PRMT7: variants seen among roughly 807,000 people sequenced by gnomAD.
The protein encoded by PRMT7 is protein arginine N-methyltransferase 7.
A neutral mutation model predicts 85.4 loss-of-function variants in PRMT7; 75 were observed. The ratio of observed to expected loss-of-function variants is 0.88; its 90% CI spans 0.73 to 1.06. The LOEUF (loss-of-function observed/expected upper bound fraction) is 1.06. Among genes scored for constraint, PRMT7 ranks in the 50% least tolerant of loss-of-function variants. The pLI is 0.00. For synonymous variants in PRMT7, 397 were observed against 359.5 expected, an observed-to-expected ratio of 1.10 and a Z score of -1.18; for missense variants, 868 against 915.2, an observed-to-expected ratio of 0.95 and a Z score of 0.67.
At chr16:68,360,457 G>A (rs747246862), downstream of PRMT7, 86 of 152,590 alleles carry the variant, frequency 5.6e-4, no homozygotes, top group Non-Finnish European at 1.0e-3. Context: ...AGACTCTGTT[G>A]TGCCTGAGCT....
At chr16:68,334,643 C>T (rs575817750) in intron 6 of PRMT7, among the ~76,000 whole-genome samples, 1 of 152,264 alleles carries the variant, frequency 6.6e-6, no homozygotes, top group African/African-American at 2.4e-5. Context: ...CCATTTTGTT[C>T]ATTTGGAAAG....
chr16:68,335,757 CTCT>C (rs1188021393), intron 6 of PRMT7, among the ~76,000 whole-genome samples: 5 of 151,414 alleles, frequency 3.3e-5, no homozygotes, highest in Admixed American at 2.0e-4. Flanking sequence ...CTCTGTTGTG[CTCT>C]TCTATCAGCT....
In PRMT7 at chr16:68,315,911, G is replaced by C. The variant is rs1281187469; in HGVS notation, c.-69G>C. On this transcript the variant is annotated 5_prime_UTR_variant, in exon 3 of 19. Coordinates refer to ENST00000441236, the MANE Select transcript of PRMT7 (RefSeq NM_019023.5). ...GATGTTAATAGATTTCTGACAGTCA[G>C]ACTTGTCCACAAGAACTCAACTGGC... 1 of 1,285,322 alleles carries C rather than the reference G, an allele frequency of 7.8e-7. No individual in the cohort carries two copies. The highest frequency in any genetic ancestry group is 1.1e-6 in the Non-Finnish European group (1 of 887,082). 79.6% of individuals were successfully genotyped at this position (1,285,322 alleles called of 1,614,324 possible). A position where few individuals can be genotyped will look rare whatever the true frequency, so the allele number is the denominator to read the frequency against.
At position 68,315,921 on chromosome 16, in the gene PRMT7, C is replaced by G; in HGVS notation, c.-59C>G. On this transcript the variant is annotated 5_prime_UTR_variant, in exon 3 of 19. Coordinates refer to ENST00000441236, the MANE Select transcript of PRMT7 (RefSeq NM_019023.5). ...GATTTCTGACAGTCAGACTTGTCCA[C>G]AAGAACTCAACTGGCAAGGCTGCTT... is the stretch of plus-strand genomic sequence containing the variant. The G allele has an allele frequency of 7.0e-7, 1 of 1,420,744 alleles. No homozygotes were observed. Among genetic ancestry groups the G allele is most frequent in the Admixed American group, 1.7e-5 (1 of 57,428 alleles). The allele number at this position is 1,420,744 out of a possible 1,614,324, so 88.0% of individuals were successfully genotyped here.
At position 68,357,303 on chromosome 16, in the gene PRMT7, C is replaced by T. The variant is rs574242525; in HGVS notation, c.*79C>T. 4 of 1,419,706 alleles carry T rather than the reference C, an allele frequency of 2.8e-6. No homozygotes were observed. The East Asian group carries it at 7.0e-5, about 25-fold the overall frequency. 87.9% of individuals were successfully genotyped at this position (1,419,706 alleles called of 1,614,324 possible). A position where few individuals can be genotyped will look rare whatever the true frequency, so the allele number is the denominator to read the frequency against. On this transcript the variant is annotated 3_prime_UTR_variant, in exon 19 of 19. Transcript: ENST00000441236. ...CTTTCTAGCGGGGAAGGCTGAAGGC[C>T]CTCCTCTCCTCTCTGGGAGCTGCTC... is the stretch of plus-strand genomic sequence containing the variant.
chr16:68,333,788 T>A (rs1266134928), intron 6 of PRMT7, among the ~76,000 whole-genome samples: 1 of 152,156 alleles, frequency 6.6e-6, no homozygotes, highest in African/African-American at 2.4e-5. Flanking sequence ...AAAAAAAATT[T>A]TTTTTAGATA....
At chr16:68,317,881 G>C (rs1179949591) in intron 3 of PRMT7, among the ~76,000 whole-genome samples, 1 of 151,956 alleles carries the variant, frequency 6.6e-6, no homozygotes, top group African/African-American at 2.4e-5. Context: ...GGCTATTCTG[G>C]GGAGCAGCTA....
intron 17 of PRMT7, 33 bp from the exon 18 acceptor site, chr16:68,356,668 A>G (rs773662239): frequency 1.3e-6 from 2 of 1,557,568 alleles, no homozygotes; most frequent in South Asian, 2.3e-5. Flanking sequence ...CTCTTGTGTG[A>G]CTACTTCTGC....
At chr16:68,328,807 A>G (rs1236344496) in intron 5 of PRMT7, among the ~76,000 whole-genome samples, 2 of 152,062 alleles carry the variant, frequency 1.3e-5, no homozygotes, top group Admixed American at 1.3e-4. Flanking sequence ...CGGTACTGAC[A>G]CCTACTGCTC....
intron 11 of PRMT7, 51 bp downstream of exon 11, chr16:68,346,331 T>C: frequency 6.2e-7 from 1 of 1,607,764 alleles, no homozygotes; most frequent in Non-Finnish European, 8.5e-7. Context: ...GAAAGAAGTT[T>C]GTCCCATGAA....
chr16:68,336,155 C>T (rs887705918), intron 6 of PRMT7, among the ~76,000 whole-genome samples: 2 of 152,116 alleles, frequency 1.3e-5, no homozygotes, highest in Non-Finnish European at 1.5e-5. Flanking sequence ...AATGAGTGGG[C>T]TTTGTCAGAT....
chr16:68,322,401 T>C (rs1383184008), intron 4 of PRMT7: 7 of 451,868 alleles, frequency 1.5e-5, no homozygotes, highest in African/African-American at 4.0e-5. Flanking sequence ...TTTCGCTGTA[T>C]TGCCCAGGCT....
intron 6 of PRMT7, among the ~76,000 whole-genome samples, chr16:68,332,757 C>G (rs750245709): frequency 6.6e-6 from 1 of 152,170 alleles, no homozygotes; most frequent in Non-Finnish European, 1.5e-5. Context: ...GCAAGACTGC[C>G]GTGCTCTGTG....
chr16:68,355,448 T>G, intron 16 of PRMT7: 3 of 320,220 alleles, frequency 9.4e-6, no homozygotes, highest in South Asian at 1.1e-4. Context: ...TCACCAGTGA[T>G]GTAGATATGT....
At chr16:68,329,206 T>C (rs772875127) in intron 6 of PRMT7, 32 bp downstream of exon 6, 1 of 1,478,456 alleles carries the variant, frequency 6.8e-7, no homozygotes, top group African/African-American at 1.4e-5. Context: ...TTGAAAGCTT[T>C]GCTTGCTCTT....
intron 9 of PRMT7, among the ~76,000 whole-genome samples, chr16:68,341,079 C>T (rs2085454465): frequency 6.6e-6 from 1 of 152,218 alleles, no homozygotes. Flanking sequence ...AAACTGACTG[C>T]ATCTGGGAAT....
At chr16:68,328,368 A>C (rs1395754883) in intron 5 of PRMT7, 1 of 153,432 alleles carries the variant, frequency 6.5e-6, no homozygotes, top group Non-Finnish European at 1.5e-5. Context: ...TGCCCGAGAC[A>C]AGGCTTCTGT....
At chr16:68,337,721 C>G (rs375121335) in intron 7 of PRMT7, 150 bp downstream of exon 7, 3 of 444,330 alleles carry the variant, frequency 6.8e-6, no homozygotes, top group African/African-American at 6.0e-5. Context: ...CTCTGGTTCT[C>G]CTCACTTAAA....
At chr16:68,353,436 C>T (rs756864236) in intron 15 of PRMT7, 56 bp from the exon 16 acceptor site, 117 of 1,605,984 alleles carry the variant, frequency 7.3e-5, no homozygotes, top group Non-Finnish European at 9.1e-5. Flanking sequence ...TTCTTGCTGC[C>T]ACGCTTCCCT....
Sources: gnomAD v4.1 joint callset for allele counts (sites outside exome capture counted in the v4.1 genomes callset) on GRCh38, gnomAD v4.1.1 for gene constraint, MANE v1.5 for transcripts, NCBI Gene and HGNC (gene_info 2026-07-23, HGNC 2026-07-21) for gene names.